IRS1: variants seen among roughly 807,000 people sequenced by gnomAD.
The protein encoded by IRS1 is insulin receptor substrate 1.
In IRS1, 34 loss-of-function variants were observed where a neutral mutation model predicts 65.6. That is an observed-to-expected ratio of 0.52 (90% CI 0.39 to 0.69). The LOEUF (loss-of-function observed/expected upper bound fraction) is 0.69. IRS1 is among the 30% of genes least tolerant of loss of function. The pLI is 0.00. For missense variants in IRS1, 1,641 were observed against 1,720.2 expected, an observed-to-expected ratio of 0.95 and a Z score of 0.81; for synonymous variants, 699 against 683.5, an observed-to-expected ratio of 1.02 and a Z score of -0.35.
At chr2:226,749,939 T>TA (rs1938639865) in intron 1 of IRS1, among the ~76,000 whole-genome samples, 1 of 152,060 alleles carries the variant, frequency 6.6e-6, no homozygotes, top group African/African-American at 2.4e-5. Flanking sequence ...GATTGTGTGG[T>TA]ATTGTTGACT....
chr2:226,747,877 G>A (rs1339725713), intron 1 of IRS1, among the ~76,000 whole-genome samples: 8 of 152,140 alleles, frequency 5.3e-5, no homozygotes. Context: ...CCAGGAAAGG[G>A]GTTGGGGAGG....
At chr2:226,736,432 A>G (rs1938326554) in intron 1 of IRS1, among the ~76,000 whole-genome samples, 182 bp from the exon 2 acceptor site, 2 of 152,232 alleles carry the variant, frequency 1.3e-5, no homozygotes, top group African/African-American at 2.4e-5. Context: ...TCAAAATGCA[A>G]GAGTCTAAAG....
intron 1 of IRS1, among the ~76,000 whole-genome samples, chr2:226,749,865 C>T (rs1335309997): frequency 6.6e-6 from 1 of 152,110 alleles, no homozygotes; most frequent in Non-Finnish European, 1.5e-5. Context: ...ATATAAAAAG[C>T]TCATGAATTA....
At chr2:226,768,036 T>G (rs1026974277) in intron 1 of IRS1, among the ~76,000 whole-genome samples, 1 of 152,098 alleles carries the variant, frequency 6.6e-6, no homozygotes, top group Non-Finnish European at 1.5e-5. Flanking sequence ...TTCTACCCCA[T>G]CCCTGCTGCT....
Position 226,798,120 on chromosome 2 carries a change from G to T in IRS1, c.619C>A (p.Gln207Lys). 6.2e-7 allele frequency: 1 copy of T among 1,614,010 alleles called. No individual in the cohort carries two copies. Among genetic ancestry groups the T allele is most frequent in the Non-Finnish European group, 8.5e-7 (1 of 1,180,028 alleles). Reference sequence around the variant, plus strand: ...CCACAGCGCCTGATGTTCATCAGCTGCAGCACCACGGCCGCTGCCTCCGAG... The same window carrying T: ...CCACAGCGCCTGATGTTCATCAGCTTCAGCACCACGGCCGCTGCCTCCGAG... ...LNSEAAAVVL[Q>K]LMNIRRCGHS... Residue 207 changes from glutamine (Q) to lysine (K), a missense_variant, in exon 1 of 2, where the codon CAG becomes AAG. Transcript: ENST00000305123. This position sits in a 1 kb window ranked among gnomAD's most constrained non-coding sequence, Gnocchi z 9.4.
chr2:226,785,707 T>G (rs1223802348), intron 1 of IRS1, among the ~76,000 whole-genome samples: 2 of 152,216 alleles, frequency 1.3e-5, no homozygotes, highest in East Asian at 3.8e-4. Flanking sequence ...GCTTTTCCCC[T>G]TTCACTGTTA....
At chr2:226,762,892 G>A (rs980653691) in intron 1 of IRS1, among the ~76,000 whole-genome samples, 1 of 152,164 alleles carries the variant, frequency 6.6e-6, no homozygotes, top group African/African-American at 2.4e-5. Flanking sequence ...CCAATGGAAG[G>A]AATCAGGTAA....
intron 1 of IRS1, among the ~76,000 whole-genome samples, chr2:226,770,207 AATTATTCTAATAAATT>A (rs1272290605): frequency 1.3e-5 from 2 of 152,248 alleles, no homozygotes; most frequent in African/African-American, 4.8e-5. Flanking sequence ...TAAAGCCTTT[AATTATTCTAATAAATT>A]ATGATTTTCC....
At position 226,799,590 on chromosome 2, in the gene IRS1, G is replaced by C. The variant is rs564109010; in HGVS notation, c.-852C>G. On this transcript the variant is annotated 5_prime_UTR_variant, in exon 1 of 2. Transcript: ENST00000305123. The surrounding 1 kb of genome is among the most constrained non-coding windows in gnomAD (Gnocchi z 6.1). The stretch of plus-strand genomic sequence containing the variant: ...ACAAGGGCGAGAGGGGATGGGGGAG[G>C]TTTGGGAAGGGTTCGGGGAAGACGC... The C allele has an allele frequency of 9.8e-7, 1 of 1,022,524 alleles. No individual in the cohort carries two copies. Among genetic ancestry groups the C allele is most frequent in the African/African-American group, 1.7e-5 (1 of 57,464 alleles). 63.3% of individuals were successfully genotyped at this position (1,022,524 alleles called of 1,614,324 possible).
Position 226,798,950 on chromosome 2 carries a change from T to G in IRS1, c.-212A>C. ...GCCCAGGAGAGAGCCCGACCGGAGT[T>G]TTCGGGCGCTTCACGCCCGGCGGGG... On this transcript the variant is annotated 5_prime_UTR_variant, in exon 1 of 2. Coordinates refer to ENST00000305123, the MANE Select transcript of IRS1 (RefSeq NM_005544.3). The surrounding 1 kb of genome is among the most constrained non-coding windows in gnomAD (Gnocchi z 9.4). 6.9e-7 allele frequency: 1 copy of G among 1,445,960 alleles called. No individual in the cohort carries two copies. Among genetic ancestry groups the G allele is most frequent in the African/African-American group, 1.4e-5 (1 of 69,698 alleles). The allele number at this position is 1,445,960 out of a possible 1,614,324, so 89.6% of individuals were successfully genotyped here.
chr2:226,766,897 G>A (rs896216974), intron 1 of IRS1, among the ~76,000 whole-genome samples: 5 of 151,978 alleles, frequency 3.3e-5, no homozygotes, highest in Non-Finnish European at 7.4e-5. Context: ...GCCAGCTGTC[G>A]AGAGCAGCTC....
rs942528887 is a variant in IRS1, at chr2:226,769,477, C to T, written c.*21+25512G>A. Among the ~76,000 whole-genome samples, 3 of 152,216 alleles carry T rather than the reference C, an allele frequency of 2.0e-5. No homozygotes were observed. In the South Asian group the frequency reaches 6.2e-4, roughly 32 times the overall value. On this transcript the variant is annotated intron_variant, in intron 1 of 1. Transcript: ENST00000305123. ...AAGGCAATGCAGGCCTGCAGCACCC[C>T]AAGGAACCACAGAGCCATTTCGAGG...
rs763644714 is a variant in IRS1, at chr2:226,796,885, C to G, written c.1854G>C (p.Gly618=). The G allele has an allele frequency of 6.5e-7, 1 of 1,541,396 alleles. No individual in the cohort carries two copies. The highest frequency in any genetic ancestry group is 1.4e-5 in the African/African-American group (1 of 72,972). Reference sequence around the variant, plus strand: ...TTCGGCCACTGGGCACTGGGGCCACCCCTGGGGACATGGGCATGTAGCCAT... The same window carrying G: ...TTCGGCCACTGGGCACTGGGGCCACGCCTGGGGACATGGGCATGTAGCCAT... ...TDDGYMPMSP[G]VAPVPSGRKG... is the part of the protein sequence containing the mutation. The change falls in exon 1 of 2, where the codon GGG becomes GGC. Residue 618 remains glycine (G), a synonymous_variant. Transcript: ENST00000305123.
chr2:226,790,813 G>A (rs1015880961), intron 1 of IRS1, among the ~76,000 whole-genome samples: 2 of 152,146 alleles, frequency 1.3e-5, no homozygotes, highest in Admixed American at 6.5e-5. Flanking sequence ...ATCCCATGTA[G>A]TAATATATCT....
rs183900925 is a variant in IRS1, at chr2:226,765,930, G to T, written c.*21+29059C>A. Among the ~76,000 whole-genome samples the T allele has an allele frequency of 2.8e-3, 423 of 151,084 alleles. 1 individual carries two copies. The highest frequency in any genetic ancestry group is 9.8e-3 in the African/African-American group (403 of 41,178). On this transcript the variant is annotated intron_variant, in intron 1 of 1. Coordinates refer to ENST00000305123, the MANE Select transcript of IRS1 (RefSeq NM_005544.3). ...TATTACCTTATGTTTAACAAAGCAT[G>T]TTTTAATTGAATCTACTAGAAAATT...
intron 1 of IRS1, among the ~76,000 whole-genome samples, chr2:226,789,898 C>A (rs1187347291): frequency 1.3e-5 from 2 of 152,096 alleles, no homozygotes; most frequent in East Asian, 3.8e-4. Flanking sequence ...AAAATGCCCC[C>A]TTGAAGCAAG....
Position 226,799,658 on chromosome 2 carries a change from C to A in IRS1, c.-920G>T. On this transcript the variant is annotated 5_prime_UTR_variant, in exon 1 of 2. Coordinates refer to ENST00000305123, the MANE Select transcript of IRS1 (RefSeq NM_005544.3). The surrounding 1 kb of genome is among the most constrained non-coding windows in gnomAD (Gnocchi z 6.1). ...CTGCCGCTGCAGTTACTTCTCCCCT[C>A]CTCCCTCCTCCTCCTCCTCCTCGGA... 1 of 1,001,784 alleles carries A rather than the reference C, an allele frequency of 1.0e-6. No homozygotes were observed. The highest frequency in any genetic ancestry group is 1.1e-4 in the East Asian group (1 of 8,808). The allele number at this position is 1,001,784 out of a possible 1,614,324, so 62.1% of individuals were successfully genotyped here.
rs116409354 is a variant in IRS1, at chr2:226,788,508, T to A, written c.*21+6481A>T. On this transcript the variant is annotated intron_variant, in intron 1 of 1. Coordinates refer to ENST00000305123, the MANE Select transcript of IRS1 (RefSeq NM_005544.3). Reference sequence around the variant, plus strand: ...AACCAAATTTATTTCAACAAATAGATTATAGCAGAGCCTGCTGCAAGAATA... The same window carrying A: ...AACCAAATTTATTTCAACAAATAGAATATAGCAGAGCCTGCTGCAAGAATA... Among the ~76,000 whole-genome samples, 1,087 of 152,274 alleles carry A rather than the reference T, an allele frequency of 7.1e-3. 6 individuals are homozygous for A. The highest frequency in any genetic ancestry group is 0.011 in the Non-Finnish European group (750 of 67,988).
At chr2:226,778,238 G>A (rs1478532628) in intron 1 of IRS1, among the ~76,000 whole-genome samples, 1 of 151,970 alleles carries the variant, frequency 6.6e-6, no homozygotes, top group East Asian at 1.9e-4. Context: ...ATAGCCTCAT[G>A]ATTTTTAAAA....
Sources: gnomAD v4.1 joint callset for allele counts (sites outside exome capture counted in the v4.1 genomes callset) on GRCh38, gnomAD v4.1.1 for gene constraint, Gnocchi (gnomAD v3.1) non-coding constraint, MANE v1.5 for transcripts, NCBI Gene and HGNC (gene_info 2026-07-23, HGNC 2026-07-21) for gene names.